The following FAM107B variants were observed in gnomAD, a reference collection of about 807,000 sequenced individuals.
The protein encoded by FAM107B is protein FAM107B.
A neutral mutation model predicts 31.5 loss-of-function variants in FAM107B; 21 were observed. That is an observed-to-expected ratio of 0.67 (90% confidence interval 0.47 to 0.96). The LOEUF is 0.96. FAM107B is among the 40% of genes least tolerant of loss of function. The pLI, the probability that FAM107B is intolerant of heterozygous loss-of-function variation, is 0.00. For missense variants in FAM107B, 452 were observed against 377.1 expected, an observed-to-expected ratio of 1.20 and a Z score of -1.64; for synonymous variants, 157 against 141.5, an observed-to-expected ratio of 1.11 and a Z score of -0.78.
intron 1 of FAM107B, among the ~76,000 whole-genome samples, chr10:14,714,853 T>C (rs1437103716): frequency 6.6e-6 from 1 of 152,244 alleles, no homozygotes; most frequent in Admixed American, 6.5e-5. Flanking sequence ...ATCTGAGTAG[T>C]GTGGCATTAA....
At chr10:14,700,558 T>G (rs1203308919) in intron 1 of FAM107B, among the ~76,000 whole-genome samples, 1 of 151,432 alleles carries the variant, frequency 6.6e-6, no homozygotes, top group Non-Finnish European at 1.5e-5. Context: ...GAAATGACCA[T>G]GAGAATGAGG....
intron 2 of FAM107B, among the ~76,000 whole-genome samples, chr10:14,603,843 G>A (rs1340623814): frequency 2.0e-5 from 3 of 151,590 alleles, no homozygotes; most frequent in Admixed American, 2.0e-4. Context: ...GGTCCACGCC[G>A]GGCGCCGCGG....
chr10:14,551,091 AT>A (rs927331525), intron 2 of FAM107B, among the ~76,000 whole-genome samples: 6 of 152,390 alleles, frequency 3.9e-5, no homozygotes, highest in Admixed American at 2.0e-4. Flanking sequence ...GCCATGAAAA[AT>A]GAGACAATTC....
At chr10:14,671,889 A>AC (rs1472115866) in intron 1 of FAM107B, among the ~76,000 whole-genome samples, 2 of 148,404 alleles carry the variant, frequency 1.3e-5, no homozygotes, top group Admixed American at 6.7e-5. Context: ...AAAAAACAAA[A>AC]AAACAAAAAA....
chr10:14,533,103 T>C (rs1263392192), intron 2 of FAM107B, among the ~76,000 whole-genome samples: 1 of 152,162 alleles, frequency 6.6e-6, no homozygotes, highest in East Asian at 1.9e-4. Context: ...ATTTCCAGGT[T>C]CTGAGCAGAG....
intron 2 of FAM107B, among the ~76,000 whole-genome samples, chr10:14,632,040 G>A (rs1853368746): frequency 6.6e-6 from 1 of 152,156 alleles, no homozygotes; most frequent in Non-Finnish European, 1.5e-5. Flanking sequence ...GCTCACACCT[G>A]TAATCCCAGC....
intron 2 of FAM107B, among the ~76,000 whole-genome samples, chr10:14,616,019 A>C (rs1486017239): frequency 6.6e-6 from 1 of 152,220 alleles, no homozygotes; most frequent in Non-Finnish European, 1.5e-5. Context: ...AACTTCCCTT[A>C]ATAGTTTATT....
intron 2 of FAM107B, among the ~76,000 whole-genome samples, chr10:14,629,394 ATATAT>A (rs1466627987): frequency 0.01 from 477 of 45,920 alleles, 33 homozygotes; most frequent in African/African-American, 0.027. Context: ...TATATATAAT[ATATAT>A]TATATATTTA....
chr10:14,603,739 C>CAGTCAAAAAAGTTACT (rs1296773375), intron 2 of FAM107B, among the ~76,000 whole-genome samples: 1 of 152,178 alleles, frequency 6.6e-6, no homozygotes. Context: ...TACTTGCAGA[C>CAGTCAAAAAAGTTACT]TGGAGTCAGT....
intron 1 of FAM107B, among the ~76,000 whole-genome samples, chr10:14,765,232 TC>T (rs1833138947): frequency 6.6e-6 from 1 of 152,242 alleles, no homozygotes; most frequent in East Asian, 1.9e-4. Flanking sequence ...AATTATTCCC[TC>T]ATCTTTTATG....
chr10:14,722,547 G>C (rs76706065), intron 1 of FAM107B, among the ~76,000 whole-genome samples: 6 of 152,114 alleles, frequency 3.9e-5, no homozygotes, highest in Non-Finnish European at 4.4e-5. Flanking sequence ...ACTCTCTGCT[G>C]TTTCGATTTG....
intron 1 of FAM107B, among the ~76,000 whole-genome samples, chr10:14,735,288 G>GC (rs1188274406): frequency 2.1e-5 from 3 of 144,978 alleles, no homozygotes; most frequent in Non-Finnish European, 4.7e-5. Flanking sequence ...GAGATTTTTT[G>GC]CAATTTTTTT....
chr10:14,519,334 T>C lies in FAM107B; in HGVS notation c.*1856A>G, dbSNP rs941414340. ...TAAAAAGATATGAGCCAGTCCCGAA[T>C]CTTCATTTTACAAACAGCATCGCTA... is the stretch of plus-strand genomic sequence containing the variant. On this transcript the variant is annotated 3_prime_UTR_variant, in exon 5 of 5. Transcript: ENST00000181796. 1 of 152,064 alleles carries C rather than the reference T, an allele frequency of 6.6e-6. No homozygotes were observed. Among genetic ancestry groups the C allele is most frequent in the Non-Finnish European group, 1.5e-5 (1 of 68,020 alleles). 9.4% of individuals were successfully genotyped at this position (152,064 alleles called of 1,614,324 possible).
chr10:14,563,014 C>T (rs2131188749), intron 2 of FAM107B, among the ~76,000 whole-genome samples: 1 of 152,272 alleles, frequency 6.6e-6, no homozygotes, highest in South Asian at 2.1e-4. Context: ...TTGAACAAGT[C>T]AAAACTTGTC....
At chr10:14,674,558 T>C (rs553994769) in intron 1 of FAM107B, among the ~76,000 whole-genome samples, 1 of 152,296 alleles carries the variant, frequency 6.6e-6, no homozygotes, top group South Asian at 2.1e-4. Flanking sequence ...TGCAGTTCCT[T>C]AGGTGGATGT....
At chr10:14,685,146 T>TA (rs1854949961) in intron 1 of FAM107B, among the ~76,000 whole-genome samples, 1 of 144,588 alleles carries the variant, frequency 6.9e-6, no homozygotes, top group African/African-American at 2.6e-5. Context: ...CCTTTTATTT[T>TA]TTTTTTTTTT....
intron 2 of FAM107B, among the ~76,000 whole-genome samples, chr10:14,537,490 A>C (rs1005872498): frequency 6.6e-6 from 1 of 152,136 alleles, no homozygotes; most frequent in African/African-American, 2.4e-5. Context: ...CAGTTTAACA[A>C]GGCAACAATG....
intron 2 of FAM107B, among the ~76,000 whole-genome samples, chr10:14,573,545 A>ATAGG: frequency 6.9e-6 from 1 of 145,566 alleles, no homozygotes; most frequent in Non-Finnish European, 1.5e-5. Context: ...TAGACAACCA[A>ATAGG]CATGGTGAAA....
chr10:14,665,714 A>G (rs1854386517), intron 2 of FAM107B, among the ~76,000 whole-genome samples: 1 of 152,212 alleles, frequency 6.6e-6, no homozygotes, highest in Non-Finnish European at 1.5e-5. Flanking sequence ...TTATGAAAGT[A>G]GGCTTTCAAA....
Sources: gnomAD v4.1 joint callset for allele counts (sites outside exome capture counted in the v4.1 genomes callset) on GRCh38, gnomAD v4.1.1 for gene constraint, MANE v1.5 for transcripts, NCBI Gene and HGNC (gene_info 2026-07-23, HGNC 2026-07-21) for gene names.